The following DNM3 variants were observed in gnomAD, a reference collection of about 807,000 sequenced individuals.
DNM3 encodes dynamin-3.
DNM3 carries 47 observed loss-of-function variants against 101.6 expected under a neutral mutation model. The ratio of observed to expected loss-of-function variants is 0.46; its 90% confidence interval spans 0.37 to 0.59. The LOEUF (loss-of-function observed/expected upper bound fraction) is 0.59. Among genes scored for constraint, DNM3 ranks in the 20% least tolerant of loss-of-function variants. The pLI is 0.00. For synonymous variants in DNM3, 385 were observed against 387.9 expected, an observed-to-expected ratio of 0.99 and a Z score of 0.09; for missense variants, 849 against 1,085.7, an observed-to-expected ratio of 0.78 and a Z score of 3.06.
intron 1 of DNM3, among the ~76,000 whole-genome samples, chr1:171,868,867 T>C (rs1420437412): frequency 6.6e-6 from 1 of 152,110 alleles, no homozygotes; most frequent in African/African-American, 2.4e-5. Context: ...CACTGCAACA[T>C]CTGCCTCCCG....
chr1:172,093,818 T>G, intron 13 of DNM3: 1 of 1,243,562 alleles, frequency 8.0e-7, no homozygotes, highest in Non-Finnish European at 1.1e-6. Context: ...CAACTAGCGC[T>G]TGCTACTAAT....
chr1:171,961,883 A>G (rs879728309), intron 2 of DNM3, among the ~76,000 whole-genome samples: 1 of 152,218 alleles, frequency 6.6e-6, no homozygotes, highest in Non-Finnish European at 1.5e-5. Context: ...TCTGCTGCCT[A>G]TAATAGAATA....
At chr1:171,999,388 T>C (rs2046222595) in intron 4 of DNM3, among the ~76,000 whole-genome samples, 1 of 152,082 alleles carries the variant, frequency 6.6e-6, no homozygotes, top group African/African-American at 2.4e-5. Flanking sequence ...TTTACTGAGA[T>C]TAGGAATATT....
chr1:171,904,519 A>T (rs533961114), intron 1 of DNM3, among the ~76,000 whole-genome samples: 1 of 152,306 alleles, frequency 6.6e-6, no homozygotes, highest in East Asian at 1.9e-4. Flanking sequence ...ATCATCCTGC[A>T]CCTAAAGCCC....
At chr1:172,052,060 A>G (rs867689881) in intron 10 of DNM3, among the ~76,000 whole-genome samples, 2 of 152,248 alleles carry the variant, frequency 1.3e-5, no homozygotes, top group African/African-American at 4.8e-5. Context: ...CATGATAATG[A>G]TGTTAAACTT....
chr1:172,071,119 A>ATC (rs1444987400), intron 11 of DNM3, among the ~76,000 whole-genome samples: 5 of 125,156 alleles, frequency 4.0e-5, no homozygotes, highest in African/African-American at 1.2e-4. Context: ...ATATATATAT[A>ATC]TCTTAGTTCT....
At chr1:172,301,032 T>A (rs1210263341) in intron 15 of DNM3, among the ~76,000 whole-genome samples, 1 of 152,180 alleles carries the variant, frequency 6.6e-6, no homozygotes. Flanking sequence ...ACAGGAGATA[T>A]AAACACATGG....
chr1:172,344,115 C>T (rs1198986289), intron 17 of DNM3, among the ~76,000 whole-genome samples: 3 of 152,170 alleles, frequency 2.0e-5, no homozygotes, highest in African/African-American at 7.2e-5. Flanking sequence ...CCATTGAGCA[C>T]TCAAGTTTGA....
At chr1:172,200,834 G>A (rs2060126848) in intron 14 of DNM3, among the ~76,000 whole-genome samples, 1 of 151,952 alleles carries the variant, frequency 6.6e-6, no homozygotes, top group South Asian at 2.1e-4. Context: ...ATCGGGTTTT[G>A]TCATTCTCCA....
Position 172,094,634 on chromosome 1 carries a change from G to T in DNM3, c.1545+1759G>T, listed in dbSNP as rs554837012. 3.3e-5 allele frequency among the ~76,000 whole-genome samples: 5 copies of T among 152,244 alleles called. No homozygotes were observed. The South Asian group carries it at 1.0e-3, about 32-fold the overall frequency. On this transcript the variant is annotated intron_variant, in intron 13 of 20. Coordinates refer to ENST00000627582, the MANE Select transcript of DNM3 (RefSeq NM_015569.5). ...ATTCAGAAATGATATACATAATGAG[G>T]TTTGCAGCCCAGTACCAGATATGTG...
intron 20 of DNM3, among the ~76,000 whole-genome samples, chr1:172,404,727 A>G (rs1328889250): frequency 6.6e-6 from 1 of 152,020 alleles, no homozygotes; most frequent in African/African-American, 2.4e-5. Flanking sequence ...TGACCACATT[A>G]TTGTATTTTC....
chr1:172,042,010 A>G lies in DNM3; in HGVS notation c.994A>G (p.Met332Val). The change falls in exon 8 of 21, where the codon ATG becomes GTG. Residue 332 changes from methionine (M) to valine (V), a missense_variant and splice_region_variant. Physicochemically the swap from Met to Val is conservative, Grantham distance 21. Around this residue, in one of 5 missense-constraint regions of DNM3, gnomAD observed 388 missense variants for 483.0 expected, o/e 0.80. Transcript: ENST00000627582. Reference protein sequence around the residue: ...PTRKTKALLQMVQQFAVDFEK... With the variant: ...PTRKTKALLQVVQQFAVDFEK... ...TCTATTTCTCTTTAACAATTACAGG[A>G]TGGTTCAGCAATTTGCTGTGGACTT... 3 of 1,585,464 alleles carry G rather than the reference A, an allele frequency of 1.9e-6. No individual in the cohort carries two copies. The highest frequency in any genetic ancestry group is 2.3e-5 in the South Asian group (2 of 85,224).
At chr1:171,843,172 T>C (rs1312050582) in intron 1 of DNM3, among the ~76,000 whole-genome samples, 3 of 152,024 alleles carry the variant, frequency 2.0e-5, no homozygotes, top group African/African-American at 7.2e-5. Flanking sequence ...TCAGATGATA[T>C]TTTTTTTCCT....
At chr1:172,084,047 A>G (rs1434656861) in intron 12 of DNM3, among the ~76,000 whole-genome samples, 1 of 152,062 alleles carries the variant, frequency 6.6e-6, no homozygotes, top group East Asian at 1.9e-4. Context: ...GCACACTTAA[A>G]CCTTCTTTAA....
chr1:172,315,554 G>A (rs1004914289), intron 16 of DNM3, among the ~76,000 whole-genome samples: 1 of 152,190 alleles, frequency 6.6e-6, no homozygotes, highest in African/African-American at 2.4e-5. Context: ...GGAGCTGATG[G>A]AGCTGAAAGC....
intron 20 of DNM3, among the ~76,000 whole-genome samples, chr1:172,418,013 A>C (rs916603822): frequency 6.6e-5 from 10 of 152,196 alleles, no homozygotes; most frequent in Admixed American, 6.5e-4. Flanking sequence ...GCAAAATAAG[A>C]AGCTTTTTGA....
intron 17 of DNM3, among the ~76,000 whole-genome samples, chr1:172,351,381 T>A: frequency 6.6e-6 from 1 of 152,274 alleles, no homozygotes; most frequent in South Asian, 2.1e-4. Flanking sequence ...TGTTAAAATT[T>A]TAATATAATA....
intron 17 of DNM3, among the ~76,000 whole-genome samples, chr1:172,339,871 G>A (rs908875568): frequency 2.0e-5 from 3 of 152,168 alleles, no homozygotes; most frequent in African/African-American, 7.2e-5. Context: ...TTACAATAGA[G>A]GGTGATAGAA....
At chr1:171,948,511 G>A (rs1013479622) in intron 2 of DNM3, among the ~76,000 whole-genome samples, 27 of 152,288 alleles carry the variant, frequency 1.8e-4, no homozygotes, top group African/African-American at 6.5e-4. Context: ...AGGTGAAAAT[G>A]TCCACATTAT....
Sources: gnomAD v4.1 joint callset for allele counts (sites outside exome capture counted in the v4.1 genomes callset) on GRCh38, gnomAD v4.1.1 for gene constraint, gnomAD v4.1.1 regional missense constraint, MANE v1.5 for transcripts, NCBI Gene and HGNC (gene_info 2026-07-23, HGNC 2026-07-21) for gene names.